Variants in PDE9A observed in about 807,000 individuals in gnomAD.
PDE9A encodes the protein high affinity cGMP-specific 3',5'-cyclic phosphodiesterase 9A.
A neutral mutation model predicts 87.4 loss-of-function variants in PDE9A; 60 were observed. The ratio of observed to expected loss-of-function variants is 0.69; its 90% CI spans 0.56 to 0.85. PDE9A has a LOEUF of 0.85. PDE9A is among the 40% of genes least tolerant of loss of function. The pLI is 0.00. For missense variants in PDE9A, 665 were observed against 779.0 expected (o/e 0.85, Z 1.74); for synonymous variants, 272 against 279.4 (o/e 0.97, Z 0.27).
intron 4 of PDE9A, among the ~76,000 whole-genome samples, chr21:42,728,788 C>T (rs1345168148): frequency 1.3e-5 from 2 of 151,910 alleles, no homozygotes; most frequent in Non-Finnish European, 1.5e-5. Context: ...TCACTTGAGG[C>T]CAGGAGTTCA....
Position 42,775,261 on chromosome 21 carries a change from A to C in PDE9A, c.1769-19A>C, listed in dbSNP as rs372966962. 21 of 1,611,912 alleles carry C rather than the reference A, an allele frequency of 1.3e-5. No homozygotes were observed. Among genetic ancestry groups the C allele is most frequent in the Non-Finnish European group, 1.6e-5 (19 of 1,179,114 alleles). On this transcript the variant is annotated intron_variant, in intron 19 of 19. Transcript: ENST00000291539. ...TAATTCTAACAAAAACAAATCAGTC[A>C]TCGTTTCCCTTCTTCCAGGAGACTG... is the stretch of plus-strand genomic sequence containing the variant.
At chr21:42,656,318 C>T (rs1351236081) in intron 1 of PDE9A, among the ~76,000 whole-genome samples, 4 of 152,216 alleles carry the variant, frequency 2.6e-5, no homozygotes, top group Non-Finnish European at 4.4e-5. Flanking sequence ...CCCGCCCCTT[C>T]GTTATCTCTG....
chr21:42,759,085 G>A lies in PDE9A; in HGVS notation c.897G>A (p.Leu299=), dbSNP rs756869090. 2 of 1,611,462 alleles carry A rather than the reference G, an allele frequency of 1.2e-6. No individual in the cohort carries two copies. Among genetic ancestry groups the A allele is most frequent in the African/African-American group, 1.3e-5 (1 of 74,994 alleles). ...SINPVTLRRW[L]FCVHDNYRNN... ...ACCCTGTCACCCTCAGGAGGTGGCTGGTGAGTGCCAAACCCGCCTTCGGTT... is the reference window on the plus strand; with the variant it reads ...ACCCTGTCACCCTCAGGAGGTGGCTAGTGAGTGCCAAACCCGCCTTCGGTT... Residue 299 remains leucine (L), a splice_region_variant and synonymous_variant, in exon 11 of 20, where the codon CTG becomes CTA. Coordinates refer to ENST00000291539, the MANE Select transcript of PDE9A (RefSeq NM_002606.3). The surrounding 1 kb of genome is among the most constrained non-coding windows in gnomAD (Gnocchi z 7.2).
intron 7 of PDE9A, among the ~76,000 whole-genome samples, chr21:42,735,150 C>T (rs144695200): frequency 0.01 from 1,551 of 152,320 alleles, 17 homozygotes; most frequent in African/African-American, 0.032. Context: ...CCCCAAATCC[C>T]GTGCAGAGCT....
At chr21:42,715,884 T>TCAGG (rs1555919703) in intron 4 of PDE9A, among the ~76,000 whole-genome samples, 1 of 151,622 alleles carries the variant, frequency 6.6e-6, no homozygotes, top group South Asian at 2.1e-4. Flanking sequence ...ATCGGTTCAC[T>TCAGG]GCCTTCAAAA....
intron 3 of PDE9A, among the ~76,000 whole-genome samples, chr21:42,693,174 C>T (rs187561100): frequency 1.3e-5 from 2 of 152,204 alleles, no homozygotes; most frequent in Non-Finnish European, 1.5e-5. Flanking sequence ...GACGCATGCC[C>T]GTCAATTTGT....
intron 2 of PDE9A, among the ~76,000 whole-genome samples, chr21:42,686,540 C>T (rs942062023): frequency 6.6e-6 from 1 of 152,220 alleles, no homozygotes; most frequent in East Asian, 1.9e-4. Context: ...TTCTGCCGGG[C>T]GTGGTGTCTC....
chr21:42,720,770 C>A (rs2050426598), intron 4 of PDE9A, among the ~76,000 whole-genome samples: 1 of 151,898 alleles, frequency 6.6e-6, no homozygotes, highest in African/African-American at 2.4e-5. Context: ...CTTTGGGAGG[C>A]CGAGGTGGGC....
At chr21:42,736,399 A>G (rs1209666105) in intron 7 of PDE9A, among the ~76,000 whole-genome samples, 1 of 152,082 alleles carries the variant, frequency 6.6e-6, no homozygotes, top group African/African-American at 2.4e-5. Flanking sequence ...CTTCCCCCCT[A>G]GCCTGTTCTG....
intron 1 of PDE9A, among the ~76,000 whole-genome samples, chr21:42,655,052 C>T (rs2056946333): frequency 1.3e-5 from 2 of 152,172 alleles, no homozygotes; most frequent in African/African-American, 4.8e-5. Flanking sequence ...CCTTTCTCCC[C>T]AAAGGAAGGA....
In PDE9A at chr21:42,695,776, A is replaced by C. The variant is rs1161569612; in HGVS notation, c.219-3192A>C. On this transcript the variant is annotated intron_variant, in intron 3 of 19. Transcript: ENST00000291539. This position sits in a 1 kb window ranked among gnomAD's most constrained non-coding sequence, Gnocchi z 4.3. ...AGCTGGAGGCAAGCTTATCCTTTCC[A>C]AAGAGGGAGTGCTTCCTGTGTTAAT... Among the ~76,000 whole-genome samples the C allele has an allele frequency of 6.6e-6, 1 of 152,212 alleles. No individual in the cohort carries two copies. Among genetic ancestry groups the C allele is most frequent in the Non-Finnish European group, 1.5e-5 (1 of 68,040 alleles).
At chr21:42,663,148 C>T (rs2145855993) in intron 1 of PDE9A, among the ~76,000 whole-genome samples, 1 of 150,622 alleles carries the variant, frequency 6.6e-6, no homozygotes, top group Admixed American at 6.6e-5. Context: ...GCACATCACA[C>T]ACCTGCATAT....
chr21:42,751,966 G>C (rs56106834), intron 9 of PDE9A, among the ~76,000 whole-genome samples: 7,433 of 151,682 alleles, frequency 0.049, 214 homozygotes, highest in Middle Eastern at 0.066. Flanking sequence ...GGCCAGGCTG[G>C]TCTTGAACTT....
rs139456842 is a variant in PDE9A at position 42,748,718 on chromosome 21, C to T, written c.654-2398C>T. On this transcript the variant is annotated intron_variant, in intron 8 of 19. Coordinates refer to ENST00000291539, the MANE Select transcript of PDE9A (RefSeq NM_002606.3). ...TGTTTTGAAAAACAACTAAAACATG[C>T]GTTGTGTAGTCTTTTTTTTTACTAG... is the stretch of plus-strand genomic sequence containing the variant. 1.3e-3 allele frequency among the ~76,000 whole-genome samples: 204 copies of T among 152,162 alleles called. 2 individuals are homozygous for T. In the Middle Eastern group the frequency reaches 0.014, roughly 10 times the overall value.
At chr21:42,662,994 C>G (rs946862534) in intron 1 of PDE9A, among the ~76,000 whole-genome samples, 12 of 148,844 alleles carry the variant, frequency 8.1e-5, no homozygotes, top group African/African-American at 3.0e-4. Context: ...AGAACACACA[C>G]CACACACACG....
chr21:42,706,769 TC>T (rs375385700), intron 4 of PDE9A, among the ~76,000 whole-genome samples: 2,532 of 152,008 alleles, frequency 0.017, 49 homozygotes, highest in South Asian at 0.046. Flanking sequence ...CTGTGAGCAG[TC>T]CCCCCTCCAT....
intron 4 of PDE9A, among the ~76,000 whole-genome samples, chr21:42,726,624 A>ATT (rs1197356167): frequency 0.052 from 1,025 of 19,736 alleles, 147 homozygotes; most frequent in Admixed American, 0.16. Flanking sequence ...ATATATATAT[A>ATT]TTTTTTTTTT....
At chr21:42,697,578 T>C (rs1208190812) in intron 3 of PDE9A, 12 of 868,750 alleles carry the variant, frequency 1.4e-5, no homozygotes, top group African/African-American at 8.3e-5. Flanking sequence ...CAGCTAGACA[T>C]TGAGTTCTCA....
chr21:42,756,983 C>T (rs1472587344), intron 10 of PDE9A: 1 of 152,402 alleles, frequency 6.6e-6, no homozygotes, highest in East Asian at 1.9e-4. Context: ...TGAACAACAT[C>T]TGGGCTGGTC....
Sources: allele counts gnomAD v4.1 joint callset (sites outside exome capture counted in the v4.1 genomes callset), GRCh38; gene constraint gnomAD v4.1.1; non-coding constraint Gnocchi (gnomAD v3.1); transcripts MANE v1.5; gene names NCBI Gene and HGNC (gene_info 2026-07-23, HGNC 2026-07-21).